Variants in LRRC53 observed in about 807,000 individuals in gnomAD.
The protein encoded by LRRC53 is leucine-rich repeat-containing protein 53.
Under a neutral mutation model 13.6 loss-of-function variants are expected in LRRC53, and 25 were observed. The observed-to-expected ratio is 1.83, with a 90% confidence interval of 1.34 to 2.56. The LOEUF is 2.56. Ranked by LOEUF, LRRC53 falls within the 30% of genes most tolerant of loss-of-function variation. LRRC53 has a pLI of 0.00. For synonymous variants in LRRC53, 204 were observed against 109.8 expected (o/e 1.86, Z -5.37); for missense variants, 527 against 275.8 (o/e 1.91, Z -6.45).
chr1:74,524,772 AAAAG>A, the LRRC53 span, among the ~76,000 whole-genome samples: 1 of 151,972 alleles, frequency 6.6e-6, no homozygotes, highest in Admixed American at 6.6e-5. Flanking sequence ...AAAAAAATGA[AAAAG>A]AAAGGAAGTA....
At chr1:74,524,307 AGCTCTGTGGGCCT>A in the LRRC53 span, among the ~76,000 whole-genome samples, 1 of 152,236 alleles carries the variant, frequency 6.6e-6, no homozygotes. Flanking sequence ...CAAAGTGAAT[AGCTCTGTGGGCCT>A]GCCAGAAACA....
chr1:74,511,262 G>A (rs773075107), intron 1 of LRRC53, among the ~76,000 whole-genome samples: 2 of 151,348 alleles, frequency 1.3e-5, no homozygotes, highest in African/African-American at 4.9e-5. Flanking sequence ...GTGCGATCTC[G>A]GCTCACCACA....
chr1:74,500,910 G>A (rs538278707), intron 1 of LRRC53, among the ~76,000 whole-genome samples: 455 of 151,542 alleles, frequency 3.0e-3, no homozygotes, highest in Non-Finnish European at 5.5e-3. Flanking sequence ...TTTATCTTTG[G>A]TATCCTACAG....
chr1:74,506,628 G>A (rs1312705271), intron 1 of LRRC53, among the ~76,000 whole-genome samples: 1 of 152,316 alleles, frequency 6.6e-6, no homozygotes, highest in Non-Finnish European at 1.5e-5. Flanking sequence ...TCACCTAGGA[G>A]CTTGTTAGAA....
the LRRC53 span, among the ~76,000 whole-genome samples, chr1:74,535,579 A>G: frequency 6.6e-6 from 1 of 152,136 alleles, no homozygotes; most frequent in Non-Finnish European, 1.5e-5. Context: ...CCTCTACAGC[A>G]CCTGGAGCCA....
chr1:74,534,579 T>C, the LRRC53 span, among the ~76,000 whole-genome samples: 1 of 152,164 alleles, frequency 6.6e-6, no homozygotes, highest in Non-Finnish European at 1.5e-5. Flanking sequence ...ACTAGAGAGA[T>C]GGCACCAGAA....
At chr1:74,498,060 A>G (rs1381307510) in intron 1 of LRRC53, among the ~76,000 whole-genome samples, 2 of 152,198 alleles carry the variant, frequency 1.3e-5, no homozygotes, top group Non-Finnish European at 2.9e-5. Context: ...AGCTGGGACC[A>G]GAATGTTGAG....
the LRRC53 span, among the ~76,000 whole-genome samples, chr1:74,530,394 T>C: frequency 1.3e-5 from 2 of 152,190 alleles, no homozygotes; most frequent in Admixed American, 6.5e-5. Context: ...TCTCTGAGCC[T>C]TGGTTTCCTC....
the LRRC53 span, among the ~76,000 whole-genome samples, chr1:74,528,070 C>T: frequency 9.2e-5 from 14 of 152,162 alleles, no homozygotes; most frequent in African/African-American, 2.4e-4. Context: ...CCAGGAAGAA[C>T]GTTATGTATG....
chr1:74,475,491 C>G lies in LRRC53; in HGVS notation c.1224G>C (p.Gly408=). The change falls in exon 4 of 5, where the codon GGG becomes GGC. Residue 408 remains glycine, a synonymous_variant. Transcript: ENST00000294635. ...SFRNLKKKDR[G]VGSTLFCQDG... ...CCTGGCAAAATAAAGTGCTGCCTAC[C>G]CCACGGTCTTTCTTTTTCAGGTTTC... The G allele has an allele frequency of 1.4e-6, 1 of 716,824 alleles. No individual in the cohort carries two copies. Among genetic ancestry groups the G allele is most frequent in the East Asian group, 2.7e-5 (1 of 37,268 alleles). The allele number at this position is 716,824 out of a possible 1,614,324, so 44.4% of individuals were successfully genotyped here.
chr1:74,482,122 T>C (rs1668536058), intron 2 of LRRC53, among the ~76,000 whole-genome samples: 1 of 152,290 alleles, frequency 6.6e-6, no homozygotes, highest in Admixed American at 6.5e-5. Context: ...CTCATCATTG[T>C]TTTAGATATG....
At position 74,475,497 on chromosome 1, in the gene LRRC53, G is replaced by A. The variant is rs1256842159; in HGVS notation, c.1218C>T (p.Asp406=). The change falls in exon 4 of 5, where the codon GAC becomes GAT. Residue 406 remains aspartate (D), a synonymous_variant. Transcript: ENST00000294635. ...AAAATAAAGTGCTGCCTACCCCACG[G>A]TCTTTCTTTTTCAGGTTTCTAAATG... The part of the protein sequence containing the change: ...DGSFRNLKKK[D]RGVGSTLFCQ... The A allele has an allele frequency of 2.8e-6, 2 of 716,862 alleles. No individual in the cohort carries two copies. The highest frequency in any genetic ancestry group is 1.7e-5 in the African/African-American group (1 of 57,240). The allele number at this position is 716,862 out of a possible 1,614,324, so 44.4% of individuals were successfully genotyped here.
At chr1:74,535,627 A>T in the LRRC53 span, among the ~76,000 whole-genome samples, 1 of 152,194 alleles carries the variant, frequency 6.6e-6, no homozygotes, top group Non-Finnish European at 1.5e-5. Context: ...ACTTCCAGGG[A>T]TGGAACAGTA....
Position 74,470,273 on chromosome 1 carries a change from C to G in LRRC53, c.3349G>C (p.Glu1117Gln). Residue 1117 changes from glutamate (E) to glutamine (Q), a missense_variant, in exon 5 of 5, where the codon GAA (glutamate) becomes CAA (glutamine). Coordinates refer to ENST00000294635, the MANE Select transcript of LRRC53 (RefSeq NM_001382280.1). ...GITKERQQTWENGTSEKYILH... is the reference protein window; with the variant it reads ...GITKERQQTWQNGTSEKYILH... ...ATATATTTTTCACTTGTTCCATTTT[C>G]CCAAGTTTGCTGCCTTTCTTTTGTG... 1 of 400,634 alleles carries G rather than the reference C, an allele frequency of 2.5e-6. No individual in the cohort carries two copies. Among genetic ancestry groups the G allele is most frequent in the Admixed American group, 4.4e-5 (1 of 22,726 alleles). The allele number at this position is 400,634 out of a possible 1,614,324, so 24.8% of individuals were successfully genotyped here. A position where few individuals can be genotyped will look rare whatever the true frequency, so the allele number is the denominator to read the frequency against.
chr1:74,476,770 G>A (rs1668228004), intron 3 of LRRC53, among the ~76,000 whole-genome samples: 1 of 152,128 alleles, frequency 6.6e-6, no homozygotes, highest in Non-Finnish European at 1.5e-5. Flanking sequence ...CAGCATTCCA[G>A]ATTCTTTGAC....
intron 1 of LRRC53, chr1:74,492,085 T>C: frequency 6.6e-7 from 1 of 1,513,360 alleles, no homozygotes; most frequent in Non-Finnish European, 9.0e-7. Flanking sequence ...AAATTGCCCC[T>C]CCTCCACTCA....
chr1:74,528,884 G>A, the LRRC53 span, among the ~76,000 whole-genome samples: 1 of 152,140 alleles, frequency 6.6e-6, no homozygotes, highest in Non-Finnish European at 1.5e-5. Context: ...CAGACTTTAA[G>A]GCTGACACAA....
intron 1 of LRRC53, chr1:74,489,277 C>A (rs200777919): frequency 1.3e-6 from 2 of 1,598,094 alleles, no homozygotes; most frequent in Non-Finnish European, 1.7e-6. Context: ...GAAATATGTC[C>A]ATAAAAAAGC....
intron 4 of LRRC53, among the ~76,000 whole-genome samples, chr1:74,474,221 G>A (rs1215589267): frequency 6.6e-6 from 1 of 152,050 alleles, no homozygotes; most frequent in East Asian, 1.9e-4. Flanking sequence ...TGAAATGAAA[G>A]ATCTGCCTAA....
Sources: gnomAD v4.1 joint callset for allele counts (sites outside exome capture counted in the v4.1 genomes callset) on GRCh38, gnomAD v4.1.1 for gene constraint, MANE v1.5 for transcripts, NCBI Gene and HGNC (gene_info 2026-07-23, HGNC 2026-07-21) for gene names.